LRP1B: variants seen among roughly 807,000 people sequenced by gnomAD.
The protein encoded by LRP1B is LDL receptor related protein 1B, also known as low-density lipoprotein receptor-related protein 1B.
LRP1B carries 217 observed loss-of-function variants against 556.6 expected under a neutral mutation model. The ratio of observed to expected loss-of-function variants is 0.39; its 90% CI spans 0.35 to 0.44. The LOEUF (loss-of-function observed/expected upper bound fraction) is 0.44. Among genes scored for constraint, LRP1B ranks in the 20% least tolerant of loss-of-function variants. LRP1B has a pLI of 1.00. For missense variants in LRP1B, 5,053 were observed against 5,620.8 expected (o/e 0.90, Z 3.23); for synonymous variants, 2,047 against 1,865.8 (o/e 1.10, Z -2.50).
intron 5 of LRP1B, among the ~76,000 whole-genome samples, chr2:141,234,980 A>T (rs1331847844): frequency 6.6e-6 from 1 of 151,876 alleles, no homozygotes; most frequent in Admixed American, 6.6e-5. Context: ...CCCTGTTTTC[A>T]TTCCTTAACT....
At chr2:141,072,934 T>C (rs751029231) in intron 7 of LRP1B, among the ~76,000 whole-genome samples, 6 of 152,076 alleles carry the variant, frequency 3.9e-5, no homozygotes, top group South Asian at 2.1e-4. Context: ...GGGAGAAATA[T>C]ACACTCAGTC....
chr2:140,649,755 T>C (rs1684610124), intron 41 of LRP1B, among the ~76,000 whole-genome samples: 2 of 152,232 alleles, frequency 1.3e-5, no homozygotes, highest in South Asian at 2.1e-4. Context: ...GAATTAGGAC[T>C]CACCAATAAA....
At chr2:141,938,102 A>C (rs1272926249) in intron 1 of LRP1B, among the ~76,000 whole-genome samples, 1 of 152,058 alleles carries the variant, frequency 6.6e-6, no homozygotes. Flanking sequence ...GCAGCTTTGC[A>C]ACATAATTTA....
chr2:141,735,503 G>GT (rs5834863), intron 2 of LRP1B, among the ~76,000 whole-genome samples: 99,510 of 126,078 alleles, frequency 0.79, 40,202 homozygotes, highest in East Asian at 0.88. Context: ...CAGCAAACAT[G>GT]TTTTTTTTTT....
At chr2:141,450,105 G>A (rs1236084087) in intron 3 of LRP1B, among the ~76,000 whole-genome samples, 1 of 152,118 alleles carries the variant, frequency 6.6e-6, no homozygotes, top group African/African-American at 2.4e-5. Flanking sequence ...GAGAAGGAGG[G>A]TTGGAAGGAA....
intron 21 of LRP1B, among the ~76,000 whole-genome samples, chr2:140,913,685 C>T (rs776748547): frequency 6.6e-6 from 1 of 151,978 alleles, no homozygotes; most frequent in Admixed American, 6.6e-5. Context: ...CTTTCTTATG[C>T]TGATCTTTGT....
At position 141,064,869 on chromosome 2, in the gene LRP1B, G is replaced by A. The variant is rs1699435787; in HGVS notation, c.1014-2596C>T. On this transcript the variant is annotated intron_variant, in intron 7 of 90. Transcript: ENST00000389484. ...CTATGTCATTTGTAATATAAATGTT[G>A]TTGGGTTAAAAATCACTCTCTTCTT... Among the ~76,000 whole-genome samples, 3 of 151,820 alleles carry A rather than the reference G, an allele frequency of 2.0e-5. No homozygotes were observed. The South Asian group carries it at 6.2e-4, about 31-fold the overall frequency.
chr2:140,424,088 A>C (rs1685560465), intron 66 of LRP1B, among the ~76,000 whole-genome samples: 1 of 152,178 alleles, frequency 6.6e-6, no homozygotes, highest in South Asian at 2.1e-4. Flanking sequence ...ACAAAATCTG[A>C]AACATATTCA....
At chr2:140,361,381 A>ATATATATAT (rs1682507591) in intron 72 of LRP1B, among the ~76,000 whole-genome samples, 2 of 33,852 alleles carry the variant, frequency 5.9e-5, no homozygotes, top group East Asian at 1.2e-3. Context: ...TATATATATA[A>ATATATATAT]CAAAAATAAG....
intron 17 of LRP1B, among the ~76,000 whole-genome samples, chr2:140,985,718 G>A (rs2105347959): frequency 6.6e-6 from 1 of 151,572 alleles, no homozygotes; most frequent in South Asian, 2.1e-4. Context: ...CCGCATCCTG[G>A]ACAATCTATT....
chr2:140,539,636 G>A (rs1680060024), intron 45 of LRP1B, among the ~76,000 whole-genome samples: 1 of 152,108 alleles, frequency 6.6e-6, no homozygotes, highest in South Asian at 2.1e-4. Flanking sequence ...TTCACTACTA[G>A]CCTGAAGTGA....
At chr2:141,184,883 T>C (rs1233619109) in intron 7 of LRP1B, among the ~76,000 whole-genome samples, 2 of 151,906 alleles carry the variant, frequency 1.3e-5, no homozygotes, top group African/African-American at 4.8e-5. Context: ...TTTCTTATTT[T>C]CTCTCCTCTT....
chr2:141,731,995 C>T (rs976009717), intron 2 of LRP1B, among the ~76,000 whole-genome samples: 1 of 152,152 alleles, frequency 6.6e-6, no homozygotes, highest in Admixed American at 6.6e-5. Flanking sequence ...CCATCTTTCT[C>T]AGTATCTATT....
chr2:140,316,875 G>GA (rs1684543458), intron 82 of LRP1B, among the ~76,000 whole-genome samples: 1 of 152,126 alleles, frequency 6.6e-6, no homozygotes, highest in African/African-American at 2.4e-5. Flanking sequence ...GGAGAAAGAT[G>GA]AAGCGCTGAC....
chr2:141,665,800 A>C (rs766397184), intron 2 of LRP1B, among the ~76,000 whole-genome samples: 22 of 152,176 alleles, frequency 1.4e-4, no homozygotes, highest in Admixed American at 6.5e-5. Flanking sequence ...GCTAGAAGCC[A>C]TTATCCTCAG....
intron 32 of LRP1B, among the ~76,000 whole-genome samples, chr2:140,785,881 T>C (rs1689881551): frequency 6.6e-6 from 1 of 152,132 alleles, no homozygotes; most frequent in African/African-American, 2.4e-5. Flanking sequence ...GTTTTTTCCC[T>C]CTCCACCTCG....
rs547738209 is a variant in LRP1B at position 140,256,352 on chromosome 2, T to C, written c.13248-9190A>G. ...TTGCACTCAGATCTAGCCTCTTACG[T>C]TTTAACCTTAGTCTCCCCCTTAAAT... On this transcript the variant is annotated intron_variant, in intron 86 of 90. Coordinates refer to ENST00000389484, the MANE Select transcript of LRP1B (RefSeq NM_018557.3). 5.3e-5 allele frequency among the ~76,000 whole-genome samples: 8 copies of C among 151,766 alleles called. No individual in the cohort carries two copies. In the East Asian group the frequency reaches 1.6e-3, roughly 29 times the overall value.
chr2:140,922,833 T>C (rs1694779115), intron 21 of LRP1B, 132 bp downstream of exon 21: 1 of 655,284 alleles, frequency 1.5e-6, no homozygotes, highest in African/African-American at 1.9e-5. Flanking sequence ...TTAACTACTA[T>C]TATTATACAT....
At chr2:141,922,297 AAACC>A (rs1298324293) in intron 1 of LRP1B, among the ~76,000 whole-genome samples, 2 of 152,182 alleles carry the variant, frequency 1.3e-5, no homozygotes, top group African/African-American at 4.8e-5. Context: ...TACCTGCTCT[AAACC>A]AACAACTATG....
Sources: allele counts gnomAD v4.1 joint callset (sites outside exome capture counted in the v4.1 genomes callset), GRCh38; gene constraint gnomAD v4.1.1; transcripts MANE v1.5; gene names NCBI Gene and HGNC (gene_info 2026-07-23, HGNC 2026-07-21).